TBC1D14: variants seen among roughly 807,000 people sequenced by gnomAD.
The protein encoded by TBC1D14 is TBC1 domain family, member 14.
TBC1D14 carries 26 observed loss-of-function variants against 79.0 expected under a neutral mutation model. The observed-to-expected ratio is 0.33, with a 90% CI of 0.24 to 0.46. The LOEUF (loss-of-function observed/expected upper bound fraction) is 0.46, where lower values mean the gene tolerates loss of function less well. Among genes scored for constraint, TBC1D14 ranks in the 20% least tolerant of loss-of-function variants. The pLI is 1.00. For synonymous variants in TBC1D14, 394 were observed against 349.9 expected, an observed-to-expected ratio of 1.13 and a Z score of -1.40; for missense variants, 769 against 887.6, an observed-to-expected ratio of 0.87 and a Z score of 1.70.
At chr4:7,001,059 C>G in intron 6 of TBC1D14, 86 bp from the exon 7 acceptor site, 1 of 1,102,038 alleles carries the variant, frequency 9.1e-7, no homozygotes, top group Admixed American at 1.9e-5. Context: ...TGCATCCCAG[C>G]TCTTGGTGGT....
At chr4:6,910,515 C>T (rs1412162220) in intron 1 of TBC1D14, 1 of 152,284 alleles carries the variant, frequency 6.6e-6, no homozygotes, top group African/African-American at 2.4e-5. Context: ...GGGAATCTCT[C>T]TGCCTCCGCC....
chr4:6,987,041 T>G, intron 3 of TBC1D14: 60 of 367,450 alleles, frequency 1.6e-4, no homozygotes, highest in Middle Eastern at 1.2e-3. Context: ...GTCCCCGGTG[T>G]TTACGGCCGG....
At chr4:6,965,437 T>C (rs573676139) in intron 2 of TBC1D14, among the ~76,000 whole-genome samples, 1 of 152,366 alleles carries the variant, frequency 6.6e-6, no homozygotes, top group South Asian at 2.1e-4. Flanking sequence ...AGTCTGGGTG[T>C]GTCTGCTTCT....
In TBC1D14 at chr4:6,999,230, A is replaced by G. The variant is rs147562862; in HGVS notation, c.1163+28A>G. On this transcript the variant is annotated intron_variant, in intron 6 of 13. Transcript: ENST00000409757. ...AAGATGTGGCTCTGGGTGTGGCTGA[A>G]CTGCAGAGCATGTCTTTCTAGAATC... is the stretch of plus-strand genomic sequence containing the variant. 4.5e-6 allele frequency: 7 copies of G among 1,571,240 alleles called. No individual in the cohort carries two copies. The African/African-American group carries it at 9.4e-5, about 21-fold the overall frequency.
chr4:7,012,267 A>G (rs146660921), intron 11 of TBC1D14, among the ~76,000 whole-genome samples: 14,942 of 149,592 alleles, frequency 0.1, 1,266 homozygotes, highest in African/African-American at 0.23. Flanking sequence ...GCGCCACTGC[A>G]CTCCAGCCTG....
intron 13 of TBC1D14, among the ~76,000 whole-genome samples, chr4:7,026,061 C>G (rs186436762): frequency 1.3e-5 from 2 of 152,150 alleles, no homozygotes; most frequent in Non-Finnish European, 2.9e-5. Context: ...GAGAGGGTCT[C>G]GCTCTGTCAT....
intron 11 of TBC1D14, among the ~76,000 whole-genome samples, chr4:7,011,037 A>G (rs1287525579): frequency 1.3e-5 from 2 of 152,164 alleles, no homozygotes; most frequent in Non-Finnish European, 1.5e-5. Flanking sequence ...ATTTTTGAAA[A>G]TGTATTCTTT....
intron 3 of TBC1D14, among the ~76,000 whole-genome samples, chr4:6,976,531 C>T (rs1435515898): frequency 1.3e-5 from 2 of 152,122 alleles, no homozygotes; most frequent in African/African-American, 2.4e-5. Context: ...GTTAGAGCGC[C>T]GAAAAGAACT....
At chr4:6,926,312 A>C (rs1724293598) in intron 2 of TBC1D14, among the ~76,000 whole-genome samples, 2 of 152,238 alleles carry the variant, frequency 1.3e-5, no homozygotes, top group South Asian at 4.1e-4. Flanking sequence ...TGTGGCGATC[A>C]TGGCCACGTT....
Position 7,027,290 on chromosome 4 carries a change from A to AC in TBC1D14, c.2016+2036dup, listed in dbSNP as rs56043928. Among the ~76,000 whole-genome samples the AC allele has an allele frequency of 1.4e-4, 19 of 139,860 alleles. No homozygotes were observed. The Admixed American group carries it at 1.4e-3, about 11-fold the overall frequency. 91.8% of individuals were successfully genotyped at this position (139,860 alleles called of 152,430 possible). ...GAGTTTTATGGCATATACATATGTC[A>AC]CCCCCCCCACACACATCACACACCT... is the stretch of plus-strand genomic sequence containing the variant. On this transcript the variant is annotated intron_variant, in intron 13 of 13. Transcript: ENST00000409757.
intron 3 of TBC1D14, among the ~76,000 whole-genome samples, chr4:6,983,733 G>T (rs1377123978): frequency 6.6e-6 from 1 of 152,194 alleles, no homozygotes; most frequent in Non-Finnish European, 1.5e-5. Flanking sequence ...AGGGGAAATG[G>T]CAGCATGGTT....
At chr4:6,946,664 T>C (rs1359892432) in intron 2 of TBC1D14, among the ~76,000 whole-genome samples, 2 of 152,066 alleles carry the variant, frequency 1.3e-5, no homozygotes, top group African/African-American at 2.4e-5. Flanking sequence ...AGACACAAAC[T>C]CTGATGGTAA....
At chr4:6,974,824 A>T (rs895504210) in intron 3 of TBC1D14, among the ~76,000 whole-genome samples, 12 of 117,946 alleles carry the variant, frequency 1.0e-4, no homozygotes, top group Non-Finnish European at 1.7e-4. Context: ...AATCATCTTT[A>T]AAAAAAAAAA....
chr4:6,940,814 A>G (rs1712834573), intron 2 of TBC1D14, among the ~76,000 whole-genome samples: 1 of 152,190 alleles, frequency 6.6e-6, no homozygotes, highest in African/African-American at 2.4e-5. Context: ...CCGAGCTGGC[A>G]GCCAGGAGGC....
chr4:6,972,157 C>T (rs1453216733), intron 3 of TBC1D14, among the ~76,000 whole-genome samples: 1 of 152,196 alleles, frequency 6.6e-6, no homozygotes, highest in Non-Finnish European at 1.5e-5. Context: ...ATTTGAGCCT[C>T]TGAGTAGATC....
chr4:7,003,079 A>G (rs1216436840), intron 7 of TBC1D14, among the ~76,000 whole-genome samples: 1 of 152,102 alleles, frequency 6.6e-6, no homozygotes. Flanking sequence ...AAGTCGACCT[A>G]ATAGTACTAT....
chr4:7,022,615 G>A (rs913016804), intron 12 of TBC1D14, among the ~76,000 whole-genome samples: 7 of 152,172 alleles, frequency 4.6e-5, no homozygotes, highest in South Asian at 4.1e-4. Flanking sequence ...AGGCATGGTC[G>A]CAGCACGGCG....
chr4:7,014,072 A>G (rs1267322123), intron 11 of TBC1D14, among the ~76,000 whole-genome samples: 2 of 152,204 alleles, frequency 1.3e-5, no homozygotes, highest in African/African-American at 2.4e-5. Context: ...ACACGTTCAT[A>G]TATTCCTGGT....
At chr4:7,008,261 G>C (rs756337924) in intron 9 of TBC1D14, among the ~76,000 whole-genome samples, 22 of 152,192 alleles carry the variant, frequency 1.4e-4, no homozygotes, top group Non-Finnish European at 2.9e-4. Flanking sequence ...TTTCTTCCCA[G>C]GTCTTTCATT....
Sources: allele counts gnomAD v4.1 joint callset (sites outside exome capture counted in the v4.1 genomes callset), GRCh38; gene constraint gnomAD v4.1.1; transcripts MANE v1.5; gene names NCBI Gene and HGNC (gene_info 2026-07-23, HGNC 2026-07-21).